Variants in KCP observed in about 807,000 individuals in gnomAD.
The protein encoded by KCP is kielin/chordin-like protein.
In KCP, 194 loss-of-function variants were observed where a neutral mutation model predicts 212.7. That is an observed-to-expected ratio of 0.91 (90% confidence interval 0.81 to 1.03). The LOEUF (loss-of-function observed/expected upper bound fraction) is 1.03, where lower values mean the gene tolerates loss of function less well. Ranked by LOEUF, KCP falls within the 50% of genes least tolerant of loss-of-function variation. KCP has a pLI of 0.00. For missense variants in KCP, 2,080 were observed against 2,162.5 expected (o/e 0.96, Z 0.76); for synonymous variants, 833 against 865.3 (o/e 0.96, Z 0.65).
chr7:128,897,574 TAAGTAA>T (rs1157123473), intron 8 of KCP, among the ~76,000 whole-genome samples: 5 of 152,262 alleles, frequency 3.3e-5, no homozygotes, highest in Admixed American at 3.3e-4. Context: ...TCATGTGACT[TAAGTAA>T]TCTTTGGGAA....
chr7:128,876,965 T>C lies in KCP; in HGVS notation c.*78A>G. ...GTGTCCAGGCAGGGCATTCTCTCCA[T>C]AGCCCTAACCAGGGTGGGAACTGCT... On this transcript the variant is annotated 3_prime_UTR_variant, in exon 40 of 40. Transcript: ENST00000610776. 3.4e-6 allele frequency: 5 copies of C among 1,478,062 alleles called. No homozygotes were observed. The South Asian group carries it at 6.7e-5, about 20-fold the overall frequency. The allele number at this position is 1,478,062 out of a possible 1,614,324, so 91.6% of individuals were successfully genotyped here.
In KCP at chr7:128,892,906, G is replaced by T. The variant is rs1281711405; in HGVS notation, c.1383C>A (p.Cys461Ter). Residue 461 changes from cysteine to a stop codon, truncating the protein, a stop_gained, in exon 14 of 40, where the codon TGC (cysteine) becomes TGA (stop). Transcript: ENST00000610776. LOFTEE classifies it high-confidence loss of function. Reference sequence around the variant, plus strand: ...TGGGGTGCTGGCAGGGGGCTGGGGGGCAGAGCACAGCCCCGCACTTGGGTA... The same window carrying T: ...TGGGGTGCTGGCAGGGGGCTGGGGGTCAGAGCACAGCCCCGCACTTGGGTA... The part of the protein sequence containing the change: ...DGVPKCGAVL[C>*]PPAPCQHPTQ... The T allele has an allele frequency of 2.0e-6, 3 of 1,530,986 alleles. No homozygotes were observed. The highest frequency in any genetic ancestry group is 2.0e-5 in the Admixed American group (1 of 50,960). 94.8% of individuals were successfully genotyped at this position (1,530,986 alleles called of 1,614,324 possible).
Position 128,881,950 on chromosome 7 carries a change from G to T in KCP, c.3311C>A (p.Thr1104Lys). The change falls in exon 30 of 40, where the codon ACG (threonine) becomes AAG (lysine). Residue 1104 changes from threonine (T) to lysine (K), a missense_variant. By Grantham distance (78) the Thr-to-Lys change is moderately conservative (BLOSUM62 -1). Coordinates refer to ENST00000610776, the MANE Select transcript of KCP (RefSeq NM_001366122.1). ...SELAPPDPCY[T>K]CQCQDLTWLC... The stretch of plus-strand genomic sequence containing the variant: ...AGGAGGGCTCACCTGGCACTGGCAC[G>T]TGTAGCAGGGGTCTGGTGGGGCTAG... The T allele has an allele frequency of 6.4e-7, 1 of 1,551,380 alleles. No individual in the cohort carries two copies. The highest frequency in any genetic ancestry group is 2.4e-5 in the East Asian group (1 of 40,922).
chr7:128,906,294 G>T lies in KCP; in HGVS notation c.556C>A (p.Pro186Thr). 6.4e-7 allele frequency: 1 copy of T among 1,551,092 alleles called. No individual in the cohort carries two copies. Among genetic ancestry groups the T allele is most frequent in the African/African-American group, 1.4e-5 (1 of 73,144 alleles). ...GPCPEPGACC[P>T]HCKPGCDYEG... ...GGAGGCTGACCTGGCTTACAGTGCG[G>T]GCAGCATGCTCCTGGCTCAGGGCAG... The change falls in exon 5 of 40, where the codon CCG becomes ACG. Residue 186 changes from proline (P) to threonine (T), a missense_variant. Pro to Thr is a conservative substitution (Grantham distance 38). Transcript: ENST00000610776.
rs1793649802 is a variant in KCP, at chr7:128,886,457, G to T, written c.2866+7C>A. 3 of 1,544,956 alleles carry T rather than the reference G, an allele frequency of 1.9e-6. No individual in the cohort carries two copies. Among genetic ancestry groups the T allele is most frequent in the Non-Finnish European group, 2.6e-6 (3 of 1,143,308 alleles). On this transcript the variant is annotated splice_region_variant and intron_variant, in intron 26 of 39. Coordinates refer to ENST00000610776, the MANE Select transcript of KCP (RefSeq NM_001366122.1). Reference sequence around the variant, plus strand: ...GAAGCAAGGGGTAGGGCTACAGGCGGCCATACCTCTGCAGCGAGGGCAGCA... The same window carrying T: ...GAAGCAAGGGGTAGGGCTACAGGCGTCCATACCTCTGCAGCGAGGGCAGCA...
intron 5 of KCP, among the ~76,000 whole-genome samples, 197 bp downstream of exon 5, chr7:128,906,082 C>T (rs1409624441): frequency 6.6e-6 from 1 of 152,308 alleles, no homozygotes; most frequent in Non-Finnish European, 1.5e-5. Flanking sequence ...TGCCTGTTTC[C>T]CTATGGTCTC....
chr7:128,891,445 A>T lies in KCP; in HGVS notation c.1878+6T>A. The T allele has an allele frequency of 6.5e-7, 1 of 1,550,004 alleles. No individual in the cohort carries two copies. The highest frequency in any genetic ancestry group is 2.4e-5 in the East Asian group (1 of 40,890). On this transcript the variant is annotated splice_donor_region_variant and intron_variant, in intron 18 of 39. Transcript: ENST00000610776. ...CTGGGCGCCTCCCACCCAGGTGCAGACTCACCAGACAGCGACACAGACGGC... is the reference window on the plus strand; with the variant it reads ...CTGGGCGCCTCCCACCCAGGTGCAGTCTCACCAGACAGCGACACAGACGGC...
At chr7:128,887,112 GA>G in intron 23 of KCP, 102 bp downstream of exon 23, 2 of 1,132,568 alleles carry the variant, frequency 1.8e-6, no homozygotes, top group Non-Finnish European at 2.6e-6. Flanking sequence ...GTGAAGGGCA[GA>G]GTGTAGCCCT....
At chr7:128,908,277 A>C in intron 2 of KCP, 149 bp downstream of exon 2, 2 of 547,324 alleles carry the variant, frequency 3.7e-6, no homozygotes, top group South Asian at 1.8e-4. Flanking sequence ...AAAGAAAGAA[A>C]GAAAGAAAGA....
At position 128,906,291 on chromosome 7, in the gene KCP, G is replaced by A. The variant is rs1359971796; in HGVS notation, c.559C>T (p.His187Tyr). The part of the protein sequence containing the change: ...PCPEPGACCP[H>Y]CKPGCDYEGQ... ...GCAGGAGGCTGACCTGGCTTACAGT[G>A]CGGGCAGCATGCTCCTGGCTCAGGG... The change falls in exon 5 of 40, where the codon CAC becomes TAC. Residue 187 changes from histidine (H) to tyrosine (Y), a missense_variant. Physicochemically the swap from His to Tyr is moderately conservative, Grantham distance 83 (BLOSUM62 2). Transcript: ENST00000610776. 5 of 1,551,038 alleles carry A rather than the reference G, an allele frequency of 3.2e-6. No individual in the cohort carries two copies. Among genetic ancestry groups the A allele is most frequent in the Non-Finnish European group, 4.4e-6 (5 of 1,146,732 alleles).
At chr7:128,904,178 G>A (rs1340367439) in intron 5 of KCP, 40 bp from the exon 6 acceptor site, 7 of 1,536,740 alleles carry the variant, frequency 4.6e-6, no homozygotes, top group Non-Finnish European at 6.2e-6. Context: ...TCACCAGGCA[G>A]CAGGGTGGGT....
At chr7:128,905,464 G>T (rs1461975216) in intron 5 of KCP, among the ~76,000 whole-genome samples, 1 of 152,028 alleles carries the variant, frequency 6.6e-6, no homozygotes, top group Admixed American at 6.6e-5. Context: ...AGTGTCCCAA[G>T]CTCGGCCTCC....
In KCP at chr7:128,893,483, G is replaced by A. The variant is rs757977722; in HGVS notation, c.1100-7C>T. 4 of 1,540,138 alleles carry A rather than the reference G, an allele frequency of 2.6e-6. No individual in the cohort carries two copies. Among genetic ancestry groups the A allele is most frequent in the South Asian group, 1.2e-5 (1 of 83,832 alleles). The stretch of plus-strand genomic sequence containing the variant: ...TGTCCCTGGTACTCACAGCCTGGAT[G>A]GGATGACAGGGGCGTGGGGGTATAG... On this transcript the variant is annotated splice_region_variant and splice_polypyrimidine_tract_variant and intron_variant, in intron 11 of 39. Transcript: ENST00000610776.
intron 8 of KCP, among the ~76,000 whole-genome samples, chr7:128,902,571 G>C (rs1298141259): frequency 1.3e-5 from 2 of 152,146 alleles, no homozygotes; most frequent in Admixed American, 1.3e-4. Flanking sequence ...ACTAACCCGG[G>C]CTGAGCACCT....
In KCP at chr7:128,902,628, C is replaced by G. The variant is rs1411645655; in HGVS notation, c.831+149G>C. On this transcript the variant is annotated intron_variant, in intron 8 of 39. Coordinates refer to ENST00000610776, the MANE Select transcript of KCP (RefSeq NM_001366122.1). ...GCAGATGAGCTCTGCCCAGCCCCCG[C>G]CTGCACAGCCCCCAGCAGACAGCGC... The G allele has an allele frequency of 4.1e-6, 3 of 726,896 alleles. No individual in the cohort carries two copies. The Admixed American group carries it at 6.9e-5, about 17-fold the overall frequency. 45.0% of individuals were successfully genotyped at this position (726,896 alleles called of 1,614,324 possible).
At position 128,887,268 on chromosome 7, in the gene KCP, C is replaced by T. The variant is rs1184618881; in HGVS notation, c.2545G>A (p.Gly849Arg). The T allele has an allele frequency of 3.4e-5, 52 of 1,551,364 alleles. No homozygotes were observed. The Admixed American group carries it at 9.4e-4, about 28-fold the overall frequency. The change falls in exon 23 of 40, where the codon GGA becomes AGA. Residue 849 changes from glycine (G) to arginine (R), a missense_variant. Physicochemically the swap from Gly to Arg is moderately radical, Grantham distance 125 (BLOSUM62 -2). Transcript: ENST00000610776. ...CRYHGVTTASGETLPDPLDPT... is the reference protein window; with the variant it reads ...CRYHGVTTASRETLPDPLDPT... ...TCAAGTGGGTCAGGAAGGGTCTCTC[C>T]GGAGGCAGTAGTGACGCCATGGTAG...
intron 5 of KCP, 191 bp from the exon 6 acceptor site, chr7:128,904,329 C>T (rs1213197626): frequency 6.4e-7 from 1 of 1,551,796 alleles, no homozygotes; most frequent in African/African-American, 1.4e-5. Flanking sequence ...GTGCAGCTCT[C>T]CAAGCAGTTG....
In KCP at chr7:128,887,244, C is replaced by T. The variant is rs1251399315; in HGVS notation, c.2569G>A (p.Asp857Asn). 9.0e-6 allele frequency: 14 copies of T among 1,551,452 alleles called. No homozygotes were observed. Among genetic ancestry groups the T allele is most frequent in the Non-Finnish European group, 7.8e-6 (9 of 1,146,846 alleles). Residue 857 changes from aspartate to asparagine, a missense_variant, in exon 23 of 40, where the codon GAC (aspartate) becomes AAC (asparagine). Coordinates refer to ENST00000610776, the MANE Select transcript of KCP (RefSeq NM_001366122.1). ...ASGETLPDPL[D>N]PTCSLCTCQE... is the part of the protein sequence containing the mutation. ...CAGGTGCAGAGGGAGCAGGTAGGGT[C>T]AAGTGGGTCAGGAAGGGTCTCTCCG...
At chr7:128,880,576 A>G in intron 33 of KCP, 43 bp downstream of exon 33, 2 of 1,363,496 alleles carry the variant, frequency 1.5e-6, no homozygotes, top group Non-Finnish European at 1.9e-6. Context: ...CCACATGCCC[A>G]GAAGGTCTGG....
Sources: allele counts gnomAD v4.1 joint callset (sites outside exome capture counted in the v4.1 genomes callset), GRCh38; gene constraint gnomAD v4.1.1; transcripts MANE v1.5; gene names NCBI Gene and HGNC (gene_info 2026-07-23, HGNC 2026-07-21).